Variants in CSMD1 observed in about 807,000 individuals in gnomAD.
The protein encoded by CSMD1 is CUB and Sushi multiple domains 1, also known as CUB and sushi domain-containing protein 1.
In CSMD1, 213 loss-of-function variants were observed where a neutral mutation model predicts 417.5. The ratio of observed to expected loss-of-function variants is 0.51; its 90% CI spans 0.46 to 0.57. The LOEUF (loss-of-function observed/expected upper bound fraction) is 0.57, where lower values mean the gene tolerates loss of function less well. Ranked by LOEUF, CSMD1 falls within the 20% of genes least tolerant of loss-of-function variation. The pLI is 0.00. For synonymous variants in CSMD1, 2,862 were observed against 1,736.8 expected, an observed-to-expected ratio of 1.65 and a Z score of -16.11; for missense variants, 6,923 against 4,529.7, an observed-to-expected ratio of 1.53 and a Z score of -15.17.
At chr8:3,897,183 C>T (rs538536900) in intron 5 of CSMD1, among the ~76,000 whole-genome samples, 8 of 152,228 alleles carry the variant, frequency 5.3e-5, no homozygotes, top group African/African-American at 1.9e-4. Context: ...GGGTTAGTAG[C>T]ACAATGGTGT....
At chr8:2,958,196 T>C (rs1026243194) in intron 62 of CSMD1, among the ~76,000 whole-genome samples, 1 of 152,192 alleles carries the variant, frequency 6.6e-6, no homozygotes, top group Non-Finnish European at 1.5e-5. Flanking sequence ...TCCAAGGGGA[T>C]TGGTCAACTC....
chr8:3,830,330 G>C (rs1802303671), intron 5 of CSMD1, among the ~76,000 whole-genome samples: 1 of 152,224 alleles, frequency 6.6e-6, no homozygotes, highest in South Asian at 2.1e-4. Context: ...CTTGCCGAAT[G>C]ATTGGTCGTT....
chr8:4,969,175 TGTGC>T (rs1005045758), intron 1 of CSMD1, among the ~76,000 whole-genome samples: 1 of 152,114 alleles, frequency 6.6e-6, no homozygotes, highest in Non-Finnish European at 1.5e-5. Flanking sequence ...GGATTGCGTG[TGTGC>T]GTGTGTGTTG....
intron 2 of CSMD1, among the ~76,000 whole-genome samples, chr8:4,576,534 G>C (rs1383925452): frequency 3.9e-5 from 6 of 152,322 alleles, no homozygotes; most frequent in Admixed American, 2.6e-4. Flanking sequence ...AAGATAGCAA[G>C]GACTGTCTCT....
intron 37 of CSMD1, among the ~76,000 whole-genome samples, chr8:3,168,392 C>G (rs1383885027): frequency 6.6e-6 from 1 of 152,268 alleles, no homozygotes; most frequent in South Asian, 2.1e-4. Context: ...ATGGCACACC[C>G]TAACACAGAG....
At chr8:2,978,520 T>C (rs1283499935) in intron 55 of CSMD1, 92 bp downstream of exon 55, 2 of 992,782 alleles carry the variant, frequency 2.0e-6, no homozygotes, top group Non-Finnish European at 2.9e-6. Context: ...GGAATTAAAA[T>C]TCAGTGCCTT....
Position 4,467,133 on chromosome 8 carries a change from AAAAAAAAG to A in CSMD1, c.303-47076_303-47069del, listed in dbSNP as rs1236584011. Among the ~76,000 whole-genome samples the A allele has an allele frequency of 5.4e-3, 804 of 149,866 alleles. 4 individuals carry two copies. Among genetic ancestry groups the A allele is most frequent in the African/African-American group, 0.018 (734 of 40,648 alleles). On this transcript the variant is annotated intron_variant, in intron 2 of 69. Transcript: ENST00000635120. The stretch of plus-strand genomic sequence containing the variant: ...TAGATTCTTCAGAGTAAAAAAAAAA[AAAAAAAAG>A]AAAAAAAAAGAAAAAACAAATGTTG...
chr8:4,298,848 G>A (rs565134078), intron 3 of CSMD1, among the ~76,000 whole-genome samples: 18 of 151,880 alleles, frequency 1.2e-4, no homozygotes, highest in Non-Finnish European at 2.1e-4. Flanking sequence ...AATTATTTCT[G>A]GAAATACTGG....
intron 2 of CSMD1, among the ~76,000 whole-genome samples, chr8:4,542,920 C>A (rs949187608): frequency 3.2e-4 from 48 of 152,040 alleles, no homozygotes; most frequent in Admixed American, 1.3e-4. Context: ...TCTAATGTTT[C>A]TTCAGGGCAC....
intron 4 of CSMD1, among the ~76,000 whole-genome samples, chr8:4,002,753 A>G (rs949950179): frequency 6.6e-6 from 1 of 152,212 alleles, no homozygotes; most frequent in African/African-American, 2.4e-5. Flanking sequence ...GTGAAGAGAC[A>G]TTATTTAACA....
chr8:4,894,619 C>T (rs954649987), intron 1 of CSMD1, among the ~76,000 whole-genome samples: 4 of 151,748 alleles, frequency 2.6e-5, no homozygotes, highest in African/African-American at 9.7e-5. Context: ...TCTATCCACC[C>T]ATTATCATTT....
At chr8:3,839,868 T>G (rs2129093484) in intron 5 of CSMD1, among the ~76,000 whole-genome samples, 1 of 151,930 alleles carries the variant, frequency 6.6e-6, no homozygotes, top group South Asian at 2.1e-4. Context: ...GGGCGGCAGT[T>G]TCTAAGGATC....
intron 3 of CSMD1, among the ~76,000 whole-genome samples, chr8:4,405,732 G>C (rs912334812): frequency 6.6e-6 from 1 of 152,178 alleles, no homozygotes; most frequent in Non-Finnish European, 1.5e-5. Flanking sequence ...CATCTTTGAA[G>C]TTAGTGCACC....
At chr8:3,871,270 C>G (rs193151541) in intron 5 of CSMD1, among the ~76,000 whole-genome samples, 2 of 152,076 alleles carry the variant, frequency 1.3e-5, no homozygotes, top group East Asian at 1.9e-4. Context: ...CCAAATTACT[C>G]TTCAATAAAA....
chr8:4,062,589 A>G (rs1403289617), intron 3 of CSMD1, among the ~76,000 whole-genome samples: 1 of 152,202 alleles, frequency 6.6e-6, no homozygotes, highest in Non-Finnish European at 1.5e-5. Flanking sequence ...TTTCAGTGAT[A>G]CGTCCCAGAT....
chr8:3,305,742 C>T (rs559392151), intron 25 of CSMD1, among the ~76,000 whole-genome samples: 118 of 152,274 alleles, frequency 7.7e-4, no homozygotes, highest in African/African-American at 1.5e-3. Flanking sequence ...TACAGTGGCA[C>T]GATCTCAGCT....
chr8:4,550,329 G>GCACGCA (rs1554509893), intron 2 of CSMD1, among the ~76,000 whole-genome samples: 1 of 139,622 alleles, frequency 7.2e-6, no homozygotes, highest in African/African-American at 2.6e-5. Context: ...ATACACACAC[G>GCACGCA]CACACACACA....
chr8:4,478,568 T>C (rs894682537), intron 2 of CSMD1, among the ~76,000 whole-genome samples: 1 of 152,214 alleles, frequency 6.6e-6, no homozygotes, highest in Non-Finnish European at 1.5e-5. Flanking sequence ...ATATTGATGA[T>C]AGTAAACGAC....
chr8:4,821,705 T>C (rs1799535065), intron 1 of CSMD1, among the ~76,000 whole-genome samples: 1 of 152,132 alleles, frequency 6.6e-6, no homozygotes, highest in Non-Finnish European at 1.5e-5. Flanking sequence ...CTATTCATTT[T>C]GGTTGAATTC....
Sources: allele counts gnomAD v4.1 joint callset (sites outside exome capture counted in the v4.1 genomes callset), GRCh38; gene constraint gnomAD v4.1.1; transcripts MANE v1.5; gene names NCBI Gene and HGNC (gene_info 2026-07-23, HGNC 2026-07-21).